The following B4GALNT3 variants were observed in gnomAD, a reference collection of about 807,000 sequenced individuals.
B4GALNT3 encodes beta-1,4-N-acetyl-galactosaminyltransferase 3.
In B4GALNT3, 86 loss-of-function variants were observed where a neutral mutation model predicts 120.2. The ratio of observed to expected loss-of-function variants is 0.72; its 90% confidence interval spans 0.60 to 0.86. The LOEUF is 0.86. Ranked by LOEUF, B4GALNT3 falls within the 40% of genes least tolerant of loss-of-function variation. B4GALNT3 has a pLI of 0.00. For synonymous variants in B4GALNT3, 518 were observed against 510.4 expected (o/e 1.01, Z -0.20); for missense variants, 1,167 against 1,298.9 (o/e 0.90, Z 1.56).
In B4GALNT3 at chr12:554,524, C is replaced by T. The variant is rs150655239; in HGVS notation, c.2060+541C>T. On this transcript the variant is annotated intron_variant, in intron 14 of 19. Coordinates refer to ENST00000266383, the MANE Select transcript of B4GALNT3 (RefSeq NM_173593.4). ...TATATTTACAGGCTGGGCGCGGTGG[C>T]TCACGCCTGTAATCCCAGCACTTTG... 5.2e-3 allele frequency among the ~76,000 whole-genome samples: 790 copies of T among 152,284 alleles called. 10 individuals are homozygous for T. The highest frequency in any genetic ancestry group is 0.018 in the African/African-American group (734 of 41,544).
Position 559,566 on chromosome 12 carries a change from C to G in B4GALNT3, c.2888+145C>G, listed in dbSNP as rs555536728. 2.7e-4 allele frequency: 325 copies of G among 1,182,936 alleles called. 1 individual carries two copies. In the African/African-American group the frequency reaches 4.7e-3, roughly 17 times the overall value. The allele number at this position is 1,182,936 out of a possible 1,614,324, so 73.3% of individuals were successfully genotyped here. ...GAGCACTGGACTCGGAGGACGCCCT[C>G]AAATCACCGGCCTCGCTGGGACTCA... On this transcript the variant is annotated intron_variant, in intron 19 of 19. Transcript: ENST00000266383.
At chr12:506,998 G>C (rs538007049) in intron 1 of B4GALNT3, among the ~76,000 whole-genome samples, 179 of 152,354 alleles carry the variant, frequency 1.2e-3, no homozygotes, top group Non-Finnish European at 2.3e-3. Context: ...ACATTGCAAA[G>C]GTAGTCTGGA....
At chr12:545,160 T>C (rs146983073) in intron 5 of B4GALNT3, 188 bp downstream of exon 5, 394 of 1,442,462 alleles carry the variant, frequency 2.7e-4, no homozygotes, top group Middle Eastern at 7.6e-4. Flanking sequence ...TGCTCCCTGG[T>C]TTGCAGCCTG....
intron 19 of B4GALNT3, among the ~76,000 whole-genome samples, chr12:559,761 C>A (rs1477723826): frequency 6.6e-6 from 1 of 152,122 alleles, no homozygotes; most frequent in Non-Finnish European, 1.5e-5. Flanking sequence ...TCCTCCCCAG[C>A]CCGAGGGTAG....
chr12:486,983 G>A (rs1946296310), intron 1 of B4GALNT3, among the ~76,000 whole-genome samples: 1 of 152,136 alleles, frequency 6.6e-6, no homozygotes, highest in African/African-American at 2.4e-5. Context: ...TAAGCAGAAA[G>A]ATGGGAATTC....
At chr12:491,858 A>G (rs1160598858) in intron 1 of B4GALNT3, among the ~76,000 whole-genome samples, 2 of 152,042 alleles carry the variant, frequency 1.3e-5, no homozygotes, top group Non-Finnish European at 2.9e-5. Flanking sequence ...GTTCAAGACC[A>G]GTCTGGCCAA....
intron 19 of B4GALNT3, among the ~76,000 whole-genome samples, chr12:561,046 T>C (rs914092319): frequency 1.1e-4 from 16 of 152,226 alleles, no homozygotes; most frequent in Non-Finnish European, 2.2e-4. Context: ...GTATATAGTA[T>C]GTCTACTCTA....
At chr12:559,243 T>C (rs1158615897) in intron 18 of B4GALNT3, 52 bp from the exon 19 acceptor site, 5 of 1,610,224 alleles carry the variant, frequency 3.1e-6, no homozygotes, top group Non-Finnish European at 4.2e-6. Context: ...CCTCCTTCCT[T>C]CCTCCTCCTG....
chr12:487,731 GAAAA>G, intron 1 of B4GALNT3, among the ~76,000 whole-genome samples: 1 of 146,600 alleles, frequency 6.8e-6, no homozygotes, highest in Middle Eastern at 3.5e-3. Context: ...AAAAAAGAAA[GAAAA>G]GAAGAAGAAG....
At chr12:492,454 GA>G (rs1946351446) in intron 1 of B4GALNT3, among the ~76,000 whole-genome samples, 1 of 152,166 alleles carries the variant, frequency 6.6e-6, no homozygotes, top group Non-Finnish European at 1.5e-5. Context: ...AAACTCTCAT[GA>G]AAGAAATCAA....
chr12:512,265 A>T, intron 1 of B4GALNT3, among the ~76,000 whole-genome samples: 1 of 40,616 alleles, frequency 2.5e-5, no homozygotes, highest in African/African-American at 1.6e-4. Flanking sequence ...ACCTTCTTCC[A>T]CCTTCTTCCA....
At chr12:554,501 T>C (rs1183316787) in intron 14 of B4GALNT3, among the ~76,000 whole-genome samples, 1 of 152,124 alleles carries the variant, frequency 6.6e-6, no homozygotes, top group African/African-American at 2.4e-5. Flanking sequence ...TTTAAAAGTA[T>C]ATTTACAGGC....
Position 515,859 on chromosome 12 carries a change from C to T in B4GALNT3, c.170-19307C>T, listed in dbSNP as rs1037318529. On this transcript the variant is annotated intron_variant, in intron 1 of 19. Transcript: ENST00000266383. ...AGTAGACAAAAATCCTGCTTTCAGC[C>T]GGGCACAGTGGCTCATGCCTGTAAT... 2.6e-5 allele frequency among the ~76,000 whole-genome samples: 4 copies of T among 152,096 alleles called. 1 individual carries two copies. Among genetic ancestry groups the T allele is most frequent in the African/African-American group, 7.2e-5 (3 of 41,482 alleles).
intron 1 of B4GALNT3, among the ~76,000 whole-genome samples, chr12:510,460 T>C (rs1048115289): frequency 1.6e-5 from 2 of 127,944 alleles, no homozygotes; most frequent in African/African-American, 2.9e-5. Flanking sequence ...GGTTGGACGC[T>C]GGGGGGCTGG....
intron 1 of B4GALNT3, among the ~76,000 whole-genome samples, chr12:461,016 T>G (rs1050860337): frequency 6.6e-6 from 1 of 152,146 alleles, no homozygotes; most frequent in African/African-American, 2.4e-5. Flanking sequence ...GCCCACCGCC[T>G]TCTGTTTGGC....
chr12:530,725 T>C (rs983457175), intron 1 of B4GALNT3, among the ~76,000 whole-genome samples: 1 of 152,162 alleles, frequency 6.6e-6, no homozygotes, highest in African/African-American at 2.4e-5. Flanking sequence ...TGAAATAACA[T>C]ATGCGAGAGT....
At position 460,121 on chromosome 12, in the gene B4GALNT3, C is replaced by A. The variant is rs144587580; in HGVS notation, c.-256C>A. ...GAGAGGCGTGGGGAGGAGAGCCCGG[C>A]GCGGAACACACGCGCGGAGGAGGAG... On this transcript the variant is annotated 5_prime_UTR_variant, in exon 1 of 20. Coordinates refer to ENST00000266383, the MANE Select transcript of B4GALNT3 (RefSeq NM_173593.4). This position sits in a 1 kb window ranked among gnomAD's most constrained non-coding sequence, Gnocchi z 8.0. Among the ~76,000 whole-genome samples the A allele has an allele frequency of 6.6e-6, 1 of 150,936 alleles. No individual in the cohort carries two copies. The highest frequency in any genetic ancestry group is 1.5e-5 in the Non-Finnish European group (1 of 67,574).
Position 524,651 on chromosome 12 carries a change from AAAAG to A in B4GALNT3, c.170-10511_170-10508del, listed in dbSNP as rs200499899. On this transcript the variant is annotated intron_variant, in intron 1 of 19. Transcript: ENST00000266383. Reference sequence around the variant, plus strand: ...TGTTAAGACATGTTAAAAAAAAAAAAAAAGAAAAAAGAAAAGAAAACAAACGAGT... The same window carrying A: ...TGTTAAGACATGTTAAAAAAAAAAAAAAAAAAGAAAAGAAAACAAACGAGT... Among the ~76,000 whole-genome samples the A allele has an allele frequency of 1.8e-3, 202 of 112,122 alleles. 2 individuals are homozygous for A. The highest frequency in any genetic ancestry group is 3.5e-3 in the African/African-American group (137 of 38,592). 73.6% of individuals were successfully genotyped at this position (112,122 alleles called of 152,430 possible).
Position 553,376 on chromosome 12 carries a change from G to T in B4GALNT3, c.1453G>T (p.Gly485Cys), listed in dbSNP as rs764881611. The T allele has an allele frequency of 1.9e-6, 3 of 1,613,808 alleles. No individual in the cohort carries two copies. The highest frequency in any genetic ancestry group is 2.5e-6 in the Non-Finnish European group (3 of 1,180,044). The change falls in exon 14 of 20, where the codon GGC becomes TGC. Residue 485 changes from glycine to cysteine, a missense_variant. By Grantham distance (159) the Gly-to-Cys change is radical. Transcript: ENST00000266383. ...LRKLLAQPRE[G>C]LLAPFSKRNS... ...GAAACTCCTGGCTCAGCCCCGGGAGGGCCTGCTGGCCCCCTTCTCCAAGCG... is the reference window on the plus strand; with the variant it reads ...GAAACTCCTGGCTCAGCCCCGGGAGTGCCTGCTGGCCCCCTTCTCCAAGCG...
Sources: allele counts gnomAD v4.1 joint callset (sites outside exome capture counted in the v4.1 genomes callset), GRCh38; gene constraint gnomAD v4.1.1; non-coding constraint Gnocchi (gnomAD v3.1); transcripts MANE v1.5; gene names NCBI Gene and HGNC (gene_info 2026-07-23, HGNC 2026-07-21).